Variants in ADGRA3 observed in about 807,000 individuals in gnomAD.
ADGRA3 encodes the protein G-protein coupled receptor 125.
Under a neutral mutation model 119.8 loss-of-function variants are expected in ADGRA3, and 56 were observed. That is an observed-to-expected ratio of 0.47 (90% CI 0.38 to 0.58). The LOEUF is 0.58. Among genes scored for constraint, ADGRA3 ranks in the 20% least tolerant of loss-of-function variants. The pLI, the probability that ADGRA3 is intolerant of heterozygous loss-of-function variation, is 0.00. For synonymous variants in ADGRA3, 607 were observed against 623.8 expected, an observed-to-expected ratio of 0.97 and a Z score of 0.40; for missense variants, 1,516 against 1,649.0, an observed-to-expected ratio of 0.92 and a Z score of 1.40.
At position 22,435,479 on chromosome 4, in the gene ADGRA3, G is replaced by C. The variant is rs367670053; in HGVS notation, c.1288-13C>G. On this transcript the variant is annotated splice_polypyrimidine_tract_variant and intron_variant, in intron 9 of 18. Coordinates refer to ENST00000334304, the MANE Select transcript of ADGRA3 (RefSeq NM_145290.4). ...GATTGAGGGGCATCTACATTTCAAA[G>C]GCAAAAATGATCAACAAAACAGTCA... The C allele has an allele frequency of 5.0e-5, 78 of 1,566,044 alleles. No homozygotes were observed. Among genetic ancestry groups the C allele is most frequent in the East Asian group, 1.4e-4 (6 of 44,016 alleles).
intron 15 of ADGRA3, 93 bp downstream of exon 15, chr4:22,402,582 T>A: frequency 1.5e-6 from 2 of 1,311,664 alleles, no homozygotes; most frequent in Non-Finnish European, 1.1e-6. Flanking sequence ...AAATACAGGA[T>A]GATAACAAAC....
intron 16 of ADGRA3, among the ~76,000 whole-genome samples, chr4:22,400,801 G>A (rs1714603058): frequency 6.6e-6 from 1 of 151,834 alleles, no homozygotes; most frequent in South Asian, 2.1e-4. Flanking sequence ...AATCCAGGCA[G>A]CCTGAACTTT....
At chr4:22,413,440 A>G in intron 13 of ADGRA3, 50 bp from the exon 14 acceptor site, 1 of 1,519,306 alleles carries the variant, frequency 6.6e-7, no homozygotes, top group Non-Finnish European at 9.1e-7. Context: ...TTCATAACCA[A>G]TTATAAATGT....
chr4:22,466,759 G>C (rs1462584677), intron 2 of ADGRA3, among the ~76,000 whole-genome samples: 1 of 151,972 alleles, frequency 6.6e-6, no homozygotes, highest in Non-Finnish European at 1.5e-5. Context: ...CTGTCCTGTG[G>C]CATCTCTTAT....
At position 22,424,285 on chromosome 4, in the gene ADGRA3, G is replaced by T; in HGVS notation, c.1511C>A (p.Ala504Glu). 6.2e-7 allele frequency: 1 copy of T among 1,613,760 alleles called. No individual in the cohort carries two copies. The highest frequency in any genetic ancestry group is 8.5e-7 in the Non-Finnish European group (1 of 1,179,862). ...MLADERVLWL[A>E]QREAKACSRI... ...ACTGCAGGCTTTAGCTTCCCTCTGC[G>T]CCAGCCACAGGACACGTTCATCAGC... Residue 504 changes from alanine (A) to glutamate (E), a missense_variant, in exon 11 of 19, where the codon GCG becomes GAG. By Grantham distance (107) the Ala-to-Glu change is moderately radical. Around this residue, in one of 2 missense-constraint regions of ADGRA3, gnomAD observed 1,088 missense variants for 1,107.1 expected, o/e 0.98. Transcript: ENST00000334304.
rs1181945962 is a variant in ADGRA3 at position 22,389,149 on chromosome 4, CAA to C, written c.2660_2661del (p.Ile887SerfsTer11). On this transcript the variant is annotated frameshift_variant, in exon 18 of 19. Coordinates refer to ENST00000334304, the MANE Select transcript of ADGRA3 (RefSeq NM_145290.4). LOFTEE classifies it high-confidence loss of function. ...TTCGCTGCTGCAGTTATGCCGCAAA[CAA>C]TGATGGGGATACCACCACCAATCAG... ...FYLIGGGIPI[I>X]VCGITAAANI... 6.2e-7 allele frequency: 1 copy of C among 1,613,798 alleles called. No homozygotes were observed. Among genetic ancestry groups the C allele is most frequent in the Non-Finnish European group, 8.5e-7 (1 of 1,179,874 alleles).
At chr4:22,405,497 G>T (rs1369443515) in intron 14 of ADGRA3, among the ~76,000 whole-genome samples, 2 of 150,634 alleles carry the variant, frequency 1.3e-5, no homozygotes, top group Admixed American at 1.3e-4. Flanking sequence ...AGTGAGCTGA[G>T]ATTGCGCCAC....
intron 10 of ADGRA3, among the ~76,000 whole-genome samples, chr4:22,427,473 C>T (rs1387959536): frequency 6.7e-6 from 1 of 148,558 alleles, no homozygotes. Flanking sequence ...AAAAAAAAAA[C>T]AACAAATATC....
rs1474747175 is a variant in ADGRA3 at position 22,388,327 on chromosome 4, A to G, written c.3344T>C (p.Leu1115Ser). ...AGCTGCAGCCGCCTGCAAGTTTGTTAATTTGCAGCCCTGGGAGGAATTTTT... is the reference window on the plus strand; with the variant it reads ...AGCTGCAGCCGCCTGCAAGTTTGTTGATTTGCAGCCCTGGGAGGAATTTTT... ...SFKNSSQGCK[L>S]TNLQAAAAQC... The change falls in exon 19 of 19, where the codon TTA becomes TCA. Residue 1115 changes from leucine (L) to serine (S), a missense_variant. Around this residue, in one of 2 missense-constraint regions of ADGRA3, gnomAD observed 1,088 missense variants for 1,107.1 expected, o/e 0.98. Coordinates refer to ENST00000334304, the MANE Select transcript of ADGRA3 (RefSeq NM_145290.4). The G allele has an allele frequency of 6.2e-7, 1 of 1,614,068 alleles. No individual in the cohort carries two copies. The highest frequency in any genetic ancestry group is 8.5e-7 in the Non-Finnish European group (1 of 1,179,982).
chr4:22,514,169 A>G (rs1279087642), intron 1 of ADGRA3, among the ~76,000 whole-genome samples: 1 of 152,128 alleles, frequency 6.6e-6, no homozygotes, highest in Non-Finnish European at 1.5e-5. Flanking sequence ...GCAGAGTAAC[A>G]AAGAAAATCT....
At chr4:22,422,378 G>T (rs747869705) in intron 11 of ADGRA3, among the ~76,000 whole-genome samples, 5 of 152,190 alleles carry the variant, frequency 3.3e-5, no homozygotes, top group Admixed American at 1.3e-4. Flanking sequence ...AAAATAATTA[G>T]TGGTTCCCAA....
intron 9 of ADGRA3, among the ~76,000 whole-genome samples, 176 bp from the exon 10 acceptor site, chr4:22,435,642 A>C (rs560059766): frequency 6.6e-6 from 1 of 152,330 alleles, no homozygotes; most frequent in Non-Finnish European, 1.5e-5. Flanking sequence ...TTTTAATGGA[A>C]ACTCACTGGA....
intron 8 of ADGRA3, 146 bp from the exon 9 acceptor site, chr4:22,436,787 C>A: frequency 1.5e-6 from 1 of 657,828 alleles, no homozygotes; most frequent in South Asian, 1.9e-5. Context: ...CTGGGAGAAA[C>A]CTTTGTTATT....
chr4:22,451,910 T>C (rs1046368634), intron 4 of ADGRA3, among the ~76,000 whole-genome samples: 4 of 152,206 alleles, frequency 2.6e-5, no homozygotes, highest in Non-Finnish European at 4.4e-5. Flanking sequence ...TTTCTACTCA[T>C]TGGACTGAGA....
chr4:22,497,346 A>T (rs1718867615), intron 1 of ADGRA3, among the ~76,000 whole-genome samples: 1 of 151,010 alleles, frequency 6.6e-6, no homozygotes, highest in African/African-American at 2.5e-5. Context: ...CATCAAGGAC[A>T]TCTTCACTAT....
At position 22,490,959 on chromosome 4, in the gene ADGRA3, T is replaced by C. The variant is rs186192167; in HGVS notation, c.258-17116A>G. Among the ~76,000 whole-genome samples, 6 of 152,050 alleles carry C rather than the reference T, an allele frequency of 3.9e-5. No homozygotes were observed. The East Asian group carries it at 7.8e-4, about 20-fold the overall frequency. On this transcript the variant is annotated intron_variant, in intron 1 of 18. Coordinates refer to ENST00000334304, the MANE Select transcript of ADGRA3 (RefSeq NM_145290.4). ...TGTAAATGGCCCCAGAGAACCGAGATACCAATAGTGAGGGTGTTCCTGAGT... is the reference window on the plus strand; with the variant it reads ...TGTAAATGGCCCCAGAGAACCGAGACACCAATAGTGAGGGTGTTCCTGAGT...
chr4:22,454,601 G>A (rs1227565622), intron 4 of ADGRA3, among the ~76,000 whole-genome samples: 3 of 152,064 alleles, frequency 2.0e-5, no homozygotes, highest in Non-Finnish European at 4.4e-5. Context: ...CAGCATGAAC[G>A]TGCTCTCTGT....
chr4:22,477,918 C>G (rs2109128503), intron 1 of ADGRA3, among the ~76,000 whole-genome samples: 1 of 152,260 alleles, frequency 6.6e-6, no homozygotes, highest in Non-Finnish European at 1.5e-5. Flanking sequence ...GTGGAACTAG[C>G]AAATGCATAA....
chr4:22,391,644 T>A (rs1029258439), intron 17 of ADGRA3, among the ~76,000 whole-genome samples: 1 of 152,148 alleles, frequency 6.6e-6, no homozygotes, highest in African/African-American at 2.4e-5. Flanking sequence ...AATGACACCA[T>A]GTCAGGCCAC....
Sources: allele counts gnomAD v4.1 joint callset (sites outside exome capture counted in the v4.1 genomes callset), GRCh38; gene constraint gnomAD v4.1.1; regional missense constraint gnomAD v4.1.1; transcripts MANE v1.5; gene names NCBI Gene and HGNC (gene_info 2026-07-23, HGNC 2026-07-21).